The following CACNA1F variants were observed in gnomAD, a reference collection of about 807,000 sequenced individuals.
The protein encoded by CACNA1F is voltage-dependent L-type calcium channel subunit alpha-1F.
CACNA1F carries 59 observed loss-of-function variants against 143.8 expected under a neutral mutation model. The ratio of observed to expected loss-of-function variants is 0.41; its 90% CI spans 0.33 to 0.51. The LOEUF (loss-of-function observed/expected upper bound fraction) is 0.51, where lower values mean the gene tolerates loss of function less well. CACNA1F is among the 20% of genes least tolerant of loss of function. The pLI is 0.22. For synonymous variants in CACNA1F, 643 were observed against 649.1 expected (o/e 0.99, Z 0.14); for missense variants, 1,411 against 1,647.5 (o/e 0.86, Z 2.48).
chrX:49,231,457 C>T (rs1602658072), intron 2 of CACNA1F, 150 bp from the exon 3 acceptor site: 1 of 611,279 alleles, frequency 1.6e-6, no homozygotes, highest in South Asian at 2.5e-5. Flanking sequence ...TTGACTTTGT[C>T]CCTCCTGGAA....
At position 49,230,645 on chromosome X, in the gene CACNA1F, A is replaced by AGGCCTTGGGATTCCCCCCTCCACCCT. The variant is rs782695655; in HGVS notation, c.522-62_522-37dup. On this transcript the variant is annotated intron_variant, in intron 4 of 47. Transcript: ENST00000323022. ...AGCACCGGGCAGGGAGGCGGAGGTCAGGCCTTGGGATTCCCCCCTCCACCC... is the reference window on the plus strand; with the variant it reads ...AGCACCGGGCAGGGAGGCGGAGGTCAGGCCTTGGGATTCCCCCCTCCACCCTGGCCTTGGGATTCCCCCCTCCACCC... The AGGCCTTGGGATTCCCCCCTCCACCCT allele has an allele frequency of 1.3e-5, 15 of 1,146,992 alleles. No homozygotes were observed. The East Asian group carries it at 4.9e-4, about 37-fold the overall frequency. 94.5% of individuals were successfully genotyped at this position (1,146,992 alleles called of 1,213,427 possible).
rs1557111451 is a variant in CACNA1F at position 49,231,839 on chromosome X, T to G, written c.114A>C (p.Glu38Asp). 1.7e-6 allele frequency: 2 copies of G among 1,196,309 alleles called. No individual in the cohort carries two copies. The highest frequency in any genetic ancestry group is 2.3e-6 in the Non-Finnish European group (2 of 887,792). ...TCCCTAGGCCTGATGCCCCACTGCT[T>G]TCACCTTCCACAGCTGGGGGCCCGG... ...LCPGPPAVEGESSGASGLGTP... is the reference protein window; with the variant it reads ...LCPGPPAVEGDSSGASGLGTP... The change falls in exon 2 of 48, where the codon GAA becomes GAC. Residue 38 changes from glutamate to aspartate, a missense_variant. This residue lies in a region of CACNA1F where 950 missense variants were observed against 1,128.1 expected (regional missense o/e 0.84). Coordinates refer to ENST00000323022, the MANE Select transcript of CACNA1F (RefSeq NM_001256789.3).
chrX:49,228,306 A>G lies in CACNA1F; in HGVS notation c.959T>C (p.Met320Thr), dbSNP rs1483505491. 3.3e-6 allele frequency: 4 copies of G among 1,210,713 alleles called. No homozygotes were observed. Among genetic ancestry groups the G allele is most frequent in the African/African-American group, 3.5e-5 (2 of 57,538 alleles). ...GGTGACACACTGGAAGACTGTCAGC[A>G]TGGCGAAGAAGAAGTTGTCAAAGTT... ...ITNFDNFFFA[M>T]LTVFQCVTME... Residue 320 changes from methionine to threonine, a missense_variant, in exon 7 of 48, where the codon ATG becomes ACG. Met to Thr is a moderately conservative substitution (Grantham distance 81). Coordinates refer to ENST00000323022, the MANE Select transcript of CACNA1F (RefSeq NM_001256789.3).
chrX:49,220,446 C>T lies in CACNA1F; in HGVS notation c.2386+27G>A, dbSNP rs368507431. Reference sequence around the variant, plus strand: ...GAGCTCTTTCCCCAAGGTCCCACACCTGCTCCACCTGGCCCTGCCCACTTG... The same window carrying T: ...GAGCTCTTTCCCCAAGGTCCCACACTTGCTCCACCTGGCCCTGCCCACTTG... On this transcript the variant is annotated intron_variant, in intron 19 of 47. Coordinates refer to ENST00000323022, the MANE Select transcript of CACNA1F (RefSeq NM_001256789.3). 1.6e-5 allele frequency: 19 copies of T among 1,175,716 alleles called. No homozygotes were observed. The African/African-American group carries it at 2.8e-4, about 18-fold the overall frequency.
intron 26 of CACNA1F, 104 bp from the exon 27 acceptor site, chrX:49,216,632 T>C (rs1250285937): frequency 1.3e-6 from 1 of 757,191 alleles, no homozygotes; most frequent in East Asian, 3.5e-5. Flanking sequence ...GGTGGAGCAA[T>C]ATGTTCTAGG....
chrX:49,220,420 T>G, intron 19 of CACNA1F, 53 bp downstream of exon 19: 106 of 993,877 alleles, frequency 1.1e-4, no homozygotes, highest in Non-Finnish European at 1.4e-4. Context: ...GCTGTCTGCC[T>G]GAGCTCTTTC....
chrX:49,216,485 G>C lies in CACNA1F; in HGVS notation c.3133C>G (p.Leu1045Val), dbSNP rs782351842. Reference protein sequence around the residue: ...VYPDGDVSRPLVRERLWVNSD... With the variant: ...VYPDGDVSRPVVRERLWVNSD... ...TTGACCCAGAGCCGCTCCCGGACCAGGGGCCGTGACACGTCTCCATCTGGG... is the reference window on the plus strand; with the variant it reads ...TTGACCCAGAGCCGCTCCCGGACCACGGGCCGTGACACGTCTCCATCTGGG... The change falls in exon 27 of 48, where the codon CTG becomes GTG. Residue 1045 changes from leucine to valine, a missense_variant. Around this residue, in one of 3 missense-constraint regions of CACNA1F, gnomAD observed 950 missense variants for 1,128.1 expected, o/e 0.84. Coordinates refer to ENST00000323022, the MANE Select transcript of CACNA1F (RefSeq NM_001256789.3). The C allele has an allele frequency of 1.7e-6, 2 of 1,204,182 alleles. No homozygotes were observed. The highest frequency in any genetic ancestry group is 3.5e-5 in the African/African-American group (2 of 57,213).
Position 49,212,378 on chromosome X carries a change from T to C in CACNA1F, c.3943-70A>G, listed in dbSNP as rs781790518. The C allele has an allele frequency of 1.7e-3, 1,527 of 890,172 alleles. 3 individuals are homozygous for C. Among genetic ancestry groups the C allele is most frequent in the Non-Finnish European group, 2.2e-3 (1,348 of 611,134 alleles). The allele number at this position is 890,172 out of a possible 1,213,427, so 73.4% of individuals were successfully genotyped here. A position where few individuals can be genotyped will look rare whatever the true frequency, so the allele number is the denominator to read the frequency against. The stretch of plus-strand genomic sequence containing the variant: ...AGGCAAAGAACTATAAGCCCCAGAA[T>C]GCACTGCTTTCCCTGGCCTGGGCCT... On this transcript the variant is annotated intron_variant, in intron 33 of 47. Coordinates refer to ENST00000323022, the MANE Select transcript of CACNA1F (RefSeq NM_001256789.3).
intron 1 of CACNA1F, 66 bp downstream of exon 1, chrX:49,233,219 C>T (rs782106525): frequency 5.6e-6 from 5 of 891,475 alleles, no homozygotes; most frequent in Non-Finnish European, 7.7e-6. Context: ...TCTGGGTGGG[C>T]AATGGGTGGG....
intron 14 of CACNA1F, 43 bp from the exon 15 acceptor site, chrX:49,223,179 C>G: frequency 1.1e-5 from 10 of 869,676 alleles, no homozygotes; most frequent in Non-Finnish European, 1.7e-5. Flanking sequence ...GCCATGTCCA[C>G]TGGACATGGC....
chrX:49,218,501 C>A lies in CACNA1F; in HGVS notation c.2882G>T (p.Arg961Leu). The A allele has an allele frequency of 8.4e-7, 1 of 1,186,566 alleles. No individual in the cohort carries two copies. ...GATGGCTCGGAGGGGCCGCAGTACT[C>A]GGAGTACTCGCAGAATCTTCACCAC... ...ISVVKILRVL[R>L]VLRPLRAINR... Residue 961 changes from arginine (R) to leucine (L), a missense_variant, in exon 24 of 48, where the codon CGA becomes CTA. Physicochemically the swap from Arg to Leu is moderately radical, Grantham distance 102. Coordinates refer to ENST00000323022, the MANE Select transcript of CACNA1F (RefSeq NM_001256789.3).
intron 6 of CACNA1F, among the ~76,000 whole-genome samples, chrX:49,229,885 C>A (rs1448808861): frequency 1.0e-5 from 1 of 97,581 alleles, no homozygotes; most frequent in Admixed American, 1.1e-4. Context: ...CTCCTGACCT[C>A]GTGATCCGCC....
At chrX:49,231,023 C>A (rs782269711) in intron 3 of CACNA1F, 34 bp from the exon 4 acceptor site, 4 of 1,033,094 alleles carry the variant, frequency 3.9e-6, no homozygotes, top group Non-Finnish European at 1.3e-6. Context: ...GTCGGGAAGT[C>A]GAGGAGTTAT....
At chrX:49,220,598 A>G in intron 18 of CACNA1F, 74 bp from the exon 19 acceptor site, 1 of 832,193 alleles carries the variant, frequency 1.2e-6, no homozygotes, top group Non-Finnish European at 1.8e-6. Context: ...GCATGGAAGA[A>G]ATGTAATAAT....
chrX:49,209,294 C>T lies in CACNA1F; in HGVS notation c.4921G>A (p.Glu1641Lys). ...GTTTCCAAGTCCTTTTCATCTTCCT[C>T]CTCCACTCCCTCCTGCCCCTCTTCT... ...EEEEGQEGVE[E>K]EDEKDLETNK... Residue 1641 changes from glutamate (E) to lysine (K), a missense_variant, in exon 42 of 48, where the codon GAG (glutamate) becomes AAG (lysine). By Grantham distance (56) the Glu-to-Lys change is moderately conservative. Coordinates refer to ENST00000323022, the MANE Select transcript of CACNA1F (RefSeq NM_001256789.3). 8.4e-7 allele frequency: 1 copy of T among 1,191,362 alleles called. No individual in the cohort carries two copies. The highest frequency in any genetic ancestry group is 1.1e-6 in the Non-Finnish European group (1 of 878,957).
rs1241309426 is a variant in CACNA1F at position 49,232,010 on chromosome X, G to A, written c.26-83C>T. 6.1e-6 allele frequency: 6 copies of A among 977,264 alleles called. No homozygotes were observed. In the African/African-American group the frequency reaches 1.2e-4, roughly 19 times the overall value. 80.5% of individuals were successfully genotyped at this position (977,264 alleles called of 1,213,427 possible). ...CCTACCTGATCCTGTCCCTCTGTTT[G>A]AAGGAAGGAGAGAAGAGCATGGAAA... On this transcript the variant is annotated intron_variant, in intron 1 of 47. Transcript: ENST00000323022.
At chrX:49,211,515 G>A (rs1261291486) in intron 35 of CACNA1F, 34 bp from the exon 36 acceptor site, 1 of 1,159,548 alleles carries the variant, frequency 8.6e-7, no homozygotes, top group Non-Finnish European at 1.2e-6. Flanking sequence ...GCATCCTGAA[G>A]GGGAGGCTAT....
intron 6 of CACNA1F, 134 bp from the exon 7 acceptor site, chrX:49,228,581 T>C (rs2065848215): frequency 1.9e-6 from 1 of 530,348 alleles, no homozygotes; most frequent in African/African-American, 2.3e-5. Context: ...CTTTCTTTTT[T>C]TGAGACGGGG....
In CACNA1F at chrX:49,207,045, CT is replaced by C; in HGVS notation, c.5190del (p.Gln1732LysfsTer17). The part of the protein sequence containing the change: ...EEGNSQPKGT[K>X]GQNKQDEDEE... ...TCATCCTCATCTTGCTTGTTTTGCC[CT>C]TTGGTTCCCTTGGGCTGAGAATTTC... On this transcript the variant is annotated frameshift_variant, in exon 44 of 48. Coordinates refer to ENST00000323022, the MANE Select transcript of CACNA1F (RefSeq NM_001256789.3). LOFTEE classifies it high-confidence loss of function. 8.3e-7 allele frequency: 1 copy of C among 1,203,440 alleles called. No homozygotes were observed. The highest frequency in any genetic ancestry group is 1.1e-6 in the Non-Finnish European group (1 of 890,526).
Sources: allele counts gnomAD v4.1 joint callset (sites outside exome capture counted in the v4.1 genomes callset), GRCh38; gene constraint gnomAD v4.1.1; regional missense constraint gnomAD v4.1.1; transcripts MANE v1.5; gene names NCBI Gene and HGNC (gene_info 2026-07-23, HGNC 2026-07-21).